The following NKAIN2 variants were observed in gnomAD, a reference collection of about 807,000 sequenced individuals.
NKAIN2 encodes the protein sodium/potassium transporting ATPase interacting 2, also known as sodium/potassium-transporting ATPase subunit beta-1-interacting protein 2.
A neutral mutation model predicts 32.6 loss-of-function variants in NKAIN2; 14 were observed. That is an observed-to-expected ratio of 0.43 (90% CI 0.28 to 0.67). NKAIN2 has a LOEUF of 0.67. Ranked by LOEUF, NKAIN2 falls within the 30% of genes least tolerant of loss-of-function variation. The pLI is 0.17. For synonymous variants in NKAIN2, 80 were observed against 87.2 expected, an observed-to-expected ratio of 0.92 and a Z score of 0.46; for missense variants, 198 against 258.3, an observed-to-expected ratio of 0.77 and a Z score of 1.60.
At chr6:123,968,797 A>G (rs1303826467) in intron 1 of NKAIN2, among the ~76,000 whole-genome samples, 7 of 152,204 alleles carry the variant, frequency 4.6e-5, no homozygotes, top group Admixed American at 3.9e-4. Context: ...TGTGAACTCA[A>G]GGGTTAAATG....
intron 1 of NKAIN2, among the ~76,000 whole-genome samples, chr6:124,226,783 G>A (rs549231550): frequency 1.0e-3 from 156 of 152,166 alleles, no homozygotes; most frequent in Non-Finnish European, 1.9e-3. Flanking sequence ...ATTGTTTTCA[G>A]TAACCTAAAT....
At chr6:124,159,197 G>A (rs991797559) in intron 1 of NKAIN2, among the ~76,000 whole-genome samples, 1 of 152,132 alleles carries the variant, frequency 6.6e-6, no homozygotes, top group Non-Finnish European at 1.5e-5. Context: ...AGAGATATGG[G>A]TTCAGTGTTC....
intron 4 of NKAIN2, among the ~76,000 whole-genome samples, chr6:124,685,734 G>A (rs1562323487): frequency 6.6e-6 from 1 of 152,154 alleles, no homozygotes; most frequent in Non-Finnish European, 1.5e-5. Context: ...TCAAGACTCA[G>A]AATGATAAAA....
chr6:123,973,068 A>C (rs2114641335), intron 1 of NKAIN2, among the ~76,000 whole-genome samples: 1 of 152,130 alleles, frequency 6.6e-6, no homozygotes, highest in Admixed American at 6.6e-5. Flanking sequence ...CTGATGAAAA[A>C]CCTAACTTAA....
At chr6:124,047,768 AAG>A (rs1241717592) in intron 1 of NKAIN2, among the ~76,000 whole-genome samples, 12 of 152,040 alleles carry the variant, frequency 7.9e-5, no homozygotes, top group Admixed American at 6.6e-5. Context: ...AACAGTGATG[AAG>A]AGAGAGTGAA....
chr6:124,705,582 T>C (rs12661574), intron 4 of NKAIN2, among the ~76,000 whole-genome samples: 5,791 of 152,040 alleles, frequency 0.038, 135 homozygotes, highest in East Asian at 0.076. Context: ...AATAAGATGG[T>C]TGAGATGTTA....
At chr6:124,408,238 T>C (rs1773963708) in intron 3 of NKAIN2, among the ~76,000 whole-genome samples, 2 of 152,188 alleles carry the variant, frequency 1.3e-5, no homozygotes, top group South Asian at 4.1e-4. Flanking sequence ...TTGTTGCCAT[T>C]GCTTTTGGTG....
intron 1 of NKAIN2, among the ~76,000 whole-genome samples, chr6:124,060,168 A>G (rs1782860576): frequency 1.3e-5 from 2 of 152,306 alleles, no homozygotes; most frequent in South Asian, 4.1e-4. Context: ...CTAATGGACC[A>G]AGCATCAGAA....
chr6:124,271,986 C>T (rs540930409), intron 1 of NKAIN2, among the ~76,000 whole-genome samples: 4 of 152,182 alleles, frequency 2.6e-5, no homozygotes, highest in South Asian at 2.1e-4. Flanking sequence ...ACTTGGGTGC[C>T]GTTCAAGCAT....
At chr6:124,755,669 A>G (rs965549855) in intron 4 of NKAIN2, among the ~76,000 whole-genome samples, 6 of 152,132 alleles carry the variant, frequency 3.9e-5, no homozygotes, top group African/African-American at 1.2e-4. Context: ...ATGAGAACAC[A>G]TGGACACACA....
intron 1 of NKAIN2, among the ~76,000 whole-genome samples, chr6:124,277,578 T>C (rs2114902233): frequency 6.6e-6 from 1 of 152,278 alleles, no homozygotes; most frequent in South Asian, 2.1e-4. Context: ...TTCCTGGAAT[T>C]GTATTAACTT....
chr6:124,621,310 C>T (rs555077772), intron 3 of NKAIN2, among the ~76,000 whole-genome samples: 4 of 152,228 alleles, frequency 2.6e-5, no homozygotes, highest in South Asian at 4.1e-4. Flanking sequence ...AAGTGCCTTC[C>T]GTAGTGTATC....
At chr6:124,295,900 G>A (rs1227899501) in intron 2 of NKAIN2, among the ~76,000 whole-genome samples, 2 of 151,844 alleles carry the variant, frequency 1.3e-5, no homozygotes. Context: ...GAGACTTCAG[G>A]GAACATATGC....
chr6:124,783,662 C>G (rs6927932), intron 4 of NKAIN2, among the ~76,000 whole-genome samples: 139,142 of 152,238 alleles, frequency 0.91, 64,127 homozygotes, highest in East Asian at 1. Flanking sequence ...GTAAACAATA[C>G]AGATGATATA....
intron 1 of NKAIN2, among the ~76,000 whole-genome samples, chr6:124,019,708 T>G (rs2114756562): frequency 6.6e-6 from 1 of 152,288 alleles, no homozygotes; most frequent in Non-Finnish European, 1.5e-5. Context: ...TAGAGGGAAC[T>G]GTGCATCTCA....
At chr6:124,432,255 A>G (rs1442000772) in intron 3 of NKAIN2, among the ~76,000 whole-genome samples, 3 of 152,160 alleles carry the variant, frequency 2.0e-5, no homozygotes, top group African/African-American at 7.2e-5. Context: ...TAAGCAGTGA[A>G]AGACAGTTTA....
chr6:123,940,646 A>T (rs1397055515), intron 1 of NKAIN2, among the ~76,000 whole-genome samples: 1 of 152,032 alleles, frequency 6.6e-6, no homozygotes, highest in Non-Finnish European at 1.5e-5. Context: ...AACACAGAAA[A>T]GCTACAGGTA....
intron 4 of NKAIN2, among the ~76,000 whole-genome samples, chr6:124,706,926 G>T (rs1312356307): frequency 1.3e-5 from 2 of 151,740 alleles, no homozygotes; most frequent in Non-Finnish European, 2.9e-5. Context: ...GTGCCATGCT[G>T]GTGCGCTGCA....
chr6:124,002,446 T>A, intron 1 of NKAIN2, among the ~76,000 whole-genome samples: 1 of 148,652 alleles, frequency 6.7e-6, no homozygotes, highest in Non-Finnish European at 1.5e-5. Context: ...TTCCTATCTG[T>A]CCCTTTTTTT....
Sources: allele counts gnomAD v4.1 joint callset (sites outside exome capture counted in the v4.1 genomes callset), GRCh38; gene constraint gnomAD v4.1.1; transcripts MANE v1.5; gene names NCBI Gene and HGNC (gene_info 2026-07-23, HGNC 2026-07-21).